SVIL: variants seen among roughly 807,000 people sequenced by gnomAD.
The protein encoded by SVIL is archvillin.
In SVIL, 101 loss-of-function variants were observed where a neutral mutation model predicts 240.4. That is an observed-to-expected ratio of 0.42 (90% CI 0.36 to 0.50). The LOEUF is 0.50. Ranked by LOEUF, SVIL falls within the 20% of genes least tolerant of loss-of-function variation. SVIL has a pLI of 0.01. For missense variants in SVIL, 2,512 were observed against 2,818.7 expected, an observed-to-expected ratio of 0.89 and a Z score of 2.46; for synonymous variants, 999 against 1,100.0, an observed-to-expected ratio of 0.91 and a Z score of 1.82.
intron 22 of SVIL, among the ~76,000 whole-genome samples, chr10:29,490,468 C>T (rs58969733): frequency 0.039 from 5,996 of 151,944 alleles, 400 homozygotes; most frequent in African/African-American, 0.13. Context: ...TAATTTGTAA[C>T]CGGGTGCGGT....
At position 29,488,624 on chromosome 10, in the gene SVIL, C is replaced by T; in HGVS notation, c.4325G>A (p.Arg1442Lys). Residue 1442 changes from arginine (R) to lysine (K), a missense_variant, in exon 23 of 38, where the codon AGG (arginine) becomes AAG (lysine). By Grantham distance (26) the Arg-to-Lys change is conservative. This residue lies in a region of SVIL where 272 missense variants were observed against 406.8 expected (regional missense o/e 0.67). Coordinates refer to ENST00000355867, the MANE Select transcript of SVIL (RefSeq NM_021738.3). ...ACCTTTAATCTGCAACAGCATCAGC[C>T]TCTTGTAGGGCACGGCGCTGTTGTT... Reference protein sequence around the residue: ...NSNNSAVPYKRLMLLQIKGRR... With the variant: ...NSNNSAVPYKKLMLLQIKGRR... 6.2e-7 allele frequency: 1 copy of T among 1,607,056 alleles called. No individual in the cohort carries two copies. Among genetic ancestry groups the T allele is most frequent in the South Asian group, 1.1e-5 (1 of 89,212 alleles).
intron 3 of SVIL, among the ~76,000 whole-genome samples, chr10:29,656,999 T>C (rs1386677939): frequency 6.6e-6 from 1 of 152,220 alleles, no homozygotes; most frequent in African/African-American, 2.4e-5. Context: ...ACAAAGTGAA[T>C]ACTATTATAA....
At chr10:29,617,434 A>G (rs770975343) in intron 1 of SVIL, among the ~76,000 whole-genome samples, 1 of 152,130 alleles carries the variant, frequency 6.6e-6, no homozygotes, top group Non-Finnish European at 1.5e-5. Context: ...ACAAAAAATT[A>G]GCCAGGCGTG....
intron 17 of SVIL, among the ~76,000 whole-genome samples, chr10:29,511,927 G>A (rs1949870308): frequency 6.6e-6 from 1 of 152,174 alleles, no homozygotes; most frequent in South Asian, 2.1e-4. Context: ...GCTAGAAGGG[G>A]CCTGGGGATC....
At chr10:29,610,764 A>G (rs1024405803) in intron 1 of SVIL, among the ~76,000 whole-genome samples, 1 of 151,886 alleles carries the variant, frequency 6.6e-6, no homozygotes, top group Non-Finnish European at 1.5e-5. Context: ...ACCAACCTCC[A>G]TCTTTTCATG....
rs775986977 is a variant in SVIL, at chr10:29,486,515, C to G, written c.4528G>C (p.Gly1510Arg). Reference sequence around the variant, plus strand: ...GTTTGGATATAAGTAGCTCTACAACCAAGTTCCCTCTTTGTCTGAATTAAA... The same window carrying G: ...GTTTGGATATAAGTAGCTCTACAACGAAGTTCCCTCTTTGTCTGAATTAAA... The part of the protein sequence containing the change: ...ATLIQTKREL[G>R]CRATYIQTIE... The change falls in exon 25 of 38, where the codon GGT (glycine) becomes CGT (arginine). Residue 1510 changes from glycine (G) to arginine (R), a missense_variant. This residue lies in a region of SVIL where 797 missense variants were observed against 925.3 expected (regional missense o/e 0.86). Coordinates refer to ENST00000355867, the MANE Select transcript of SVIL (RefSeq NM_021738.3). 6.2e-7 allele frequency: 1 copy of G among 1,614,008 alleles called. No individual in the cohort carries two copies. The highest frequency in any genetic ancestry group is 8.5e-7 in the Non-Finnish European group (1 of 1,180,034).
intron 1 of SVIL, among the ~76,000 whole-genome samples, chr10:29,613,532 C>T (rs1047261880): frequency 6.6e-6 from 1 of 151,906 alleles, no homozygotes; most frequent in African/African-American, 2.4e-5. Flanking sequence ...AGATGGAGGT[C>T]TCACTATGTT....
rs1471886608 is a variant in SVIL, at chr10:29,676,460, A to T, written c.-301+10093T>A. On this transcript the variant is annotated intron_variant, in intron 2 of 35. Transcript: ENST00000375400. The stretch of plus-strand genomic sequence containing the variant: ...CTTAATAAACACAAATACTAGGTAA[A>T]TGCTAACCAGCTTACCCCCAATGCA... 3.9e-5 allele frequency among the ~76,000 whole-genome samples: 6 copies of T among 152,334 alleles called. No homozygotes were observed. In the East Asian group the frequency reaches 1.2e-3, roughly 29 times the overall value.
Position 29,594,258 on chromosome 10 carries a change from C to A in SVIL, c.-200-24946G>T, listed in dbSNP as rs1372648612. Among the ~76,000 whole-genome samples the A allele has an allele frequency of 1.8e-4, 16 of 91,356 alleles. 1 individual carries two copies. The highest frequency in any genetic ancestry group is 1.7e-4 in the Non-Finnish European group (7 of 42,324). 59.9% of individuals were successfully genotyped at this position (91,356 alleles called of 152,430 possible). The stretch of plus-strand genomic sequence containing the variant: ...ATCTCATTATGTACATGCAAATATT[C>A]CAAAATAAAAAAAAATTCTAAGATC... On this transcript the variant is annotated intron_variant, in intron 1 of 37. Transcript: ENST00000355867.
Position 29,532,834 on chromosome 10 carries a change from G to T in SVIL, c.1533C>A (p.Gly511=). 2 of 1,614,186 alleles carry T rather than the reference G, an allele frequency of 1.2e-6. No homozygotes were observed. The highest frequency in any genetic ancestry group is 8.5e-7 in the Non-Finnish European group (1 of 1,180,036). ...QAPHQPTERT[G]RSEMVLYIQS... is the part of the protein sequence containing the mutation. The stretch of plus-strand genomic sequence containing the variant: ...GAATGTAGAGAACCATCTCGCTCCT[G>T]CCTGTCCTCTCAGTGGGCTGGTGCG... Residue 511 remains glycine (G), a synonymous_variant, in exon 8 of 38, where the codon GGC becomes GGA. Coordinates refer to ENST00000355867, the MANE Select transcript of SVIL (RefSeq NM_021738.3).
intron 1 of SVIL, among the ~76,000 whole-genome samples, chr10:29,597,282 C>A (rs1956630997): frequency 6.6e-6 from 1 of 152,154 alleles, no homozygotes; most frequent in Non-Finnish European, 1.5e-5. Context: ...TGCAGAAAGC[C>A]CGCCCTGAGG....
chr10:29,652,022 C>G (rs189520357), intron 3 of SVIL, among the ~76,000 whole-genome samples: 2 of 151,930 alleles, frequency 1.3e-5, no homozygotes, highest in African/African-American at 2.4e-5. Flanking sequence ...CACACAAACA[C>G]ACACACACAC....
At chr10:29,643,386 C>T (rs1288067534) in intron 3 of SVIL, among the ~76,000 whole-genome samples, 1 of 152,150 alleles carries the variant, frequency 6.6e-6, no homozygotes. Context: ...GTATTTTGCC[C>T]TATTTTCTGC....
At chr10:29,487,397 A>G (rs1947511145) in intron 23 of SVIL, 98 bp from the exon 24 acceptor site, 5 of 862,370 alleles carry the variant, frequency 5.8e-6, no homozygotes, top group East Asian at 1.1e-4. Flanking sequence ...TTTCACTTCT[A>G]AAGAGTCTTG....
intron 6 of SVIL, among the ~76,000 whole-genome samples, chr10:29,539,436 G>A (rs1047716075): frequency 2.0e-5 from 3 of 152,236 alleles, no homozygotes; most frequent in Non-Finnish European, 4.4e-5. Flanking sequence ...TAAAGCAGGA[G>A]TGATCTAGAA....
At chr10:29,706,208 G>A (rs567426786) in intron 1 of SVIL, among the ~76,000 whole-genome samples, 2 of 152,138 alleles carry the variant, frequency 1.3e-5, no homozygotes, top group African/African-American at 4.8e-5. Context: ...TGGTATTTCT[G>A]GTTCTAGATC....
intron 1 of SVIL, among the ~76,000 whole-genome samples, chr10:29,587,330 C>T (rs937482514): frequency 2.0e-5 from 3 of 152,358 alleles, no homozygotes; most frequent in East Asian, 1.9e-4. Flanking sequence ...TCACTGCCAC[C>T]GCCTCTGCCA....
intron 34 of SVIL, among the ~76,000 whole-genome samples, chr10:29,464,011 A>G (rs189232059): frequency 3.2e-3 from 492 of 152,326 alleles, no homozygotes; most frequent in African/African-American, 0.011. Context: ...AGCACCGCAT[A>G]TCTCCAAAGA....
chr10:29,517,644 A>G (rs7900223), intron 16 of SVIL, among the ~76,000 whole-genome samples: 66,175 of 151,684 alleles, frequency 0.44, 15,065 homozygotes, highest in African/African-American at 0.55. Flanking sequence ...GCAGGCGGGA[A>G]ACACAGGAGC....
Sources: allele counts gnomAD v4.1 joint callset (sites outside exome capture counted in the v4.1 genomes callset), GRCh38; gene constraint gnomAD v4.1.1; regional missense constraint gnomAD v4.1.1; transcripts MANE v1.5; gene names NCBI Gene and HGNC (gene_info 2026-07-23, HGNC 2026-07-21).